RPA3: variants seen among roughly 807,000 people sequenced by gnomAD.
RPA3 encodes the protein replication protein A3.
A neutral mutation model predicts 13.7 loss-of-function variants in RPA3; 24 were observed. The ratio of observed to expected loss-of-function variants is 1.75; its 90% CI spans 1.27 to 2.46. RPA3 has a LOEUF of 2.46. RPA3 is among the 30% of genes most tolerant of loss of function. The pLI, the probability that RPA3 is intolerant of heterozygous loss-of-function variation, is 0.00. For synonymous variants in RPA3, 59 were observed against 51.2 expected, an observed-to-expected ratio of 1.15 and a Z score of -0.65; for missense variants, 183 against 151.0, an observed-to-expected ratio of 1.21 and a Z score of -1.11.
chr7:7,668,336 C>G (rs1779522012), intron 4 of RPA3, among the ~76,000 whole-genome samples: 1 of 152,024 alleles, frequency 6.6e-6, no homozygotes, highest in Admixed American at 6.6e-5. Flanking sequence ...GATTTTTTTA[C>G]TGTTTCAGTT....
chr7:7,652,253 G>A (rs986116636), intron 4 of RPA3, among the ~76,000 whole-genome samples: 2 of 152,126 alleles, frequency 1.3e-5, no homozygotes, highest in African/African-American at 2.4e-5. Context: ...TAGGATTTCC[G>A]AGTAAAGCAG....
intron 2 of RPA3, among the ~76,000 whole-genome samples, chr7:7,713,312 C>T (rs1295249346): frequency 6.6e-6 from 1 of 151,992 alleles, no homozygotes; most frequent in Non-Finnish European, 1.5e-5. Context: ...CCACTGCACT[C>T]CAGCCTGGGT....
intron 3 of RPA3, 57 bp downstream of exon 3, chr7:7,687,159 ATAATAGTATTTG>A (rs1173161878): frequency 2.0e-5 from 3 of 152,214 alleles, no homozygotes; most frequent in African/African-American, 7.2e-5. Context: ...TGAACTGGAA[ATAATAGTATTTG>A]GATTCTATTT....
At chr7:7,700,506 C>T (rs562547360) in intron 2 of RPA3, among the ~76,000 whole-genome samples, 1 of 152,198 alleles carries the variant, frequency 6.6e-6, no homozygotes, top group African/African-American at 2.4e-5. Context: ...GGGAAGATCG[C>T]TTGAGGCCAT....
intron 2 of RPA3, among the ~76,000 whole-genome samples, chr7:7,690,438 T>G (rs1780146842): frequency 6.6e-6 from 1 of 152,190 alleles, no homozygotes; most frequent in African/African-American, 2.4e-5. Flanking sequence ...GCCCAGTATG[T>G]CAGATGTGAA....
chr7:7,691,459 CAGT>C (rs1261092642), intron 2 of RPA3, among the ~76,000 whole-genome samples: 1 of 152,120 alleles, frequency 6.6e-6, no homozygotes, highest in Non-Finnish European at 1.5e-5. Flanking sequence ...TTTAAAATAT[CAGT>C]ATTTACTACT....
chr7:7,673,366 GCA>G lies in RPA3; in HGVS notation c.-758+12462_-758+12463del, dbSNP rs1491450634. The G allele has an allele frequency of 6.7e-5, 72 of 1,080,588 alleles. No homozygotes were observed. The African/African-American group carries it at 1.1e-3, about 17-fold the overall frequency. The allele number at this position is 1,080,588 out of a possible 1,614,324, so 66.9% of individuals were successfully genotyped here. Reference sequence around the variant, plus strand: ...AGCAGCAGCAGCAGCAGCAGCAGCAGCAGCAATGTTTCACTTCTTCAGAAAGC... The same window carrying G: ...AGCAGCAGCAGCAGCAGCAGCAGCAGGCAATGTTTCACTTCTTCAGAAAGC... On this transcript the variant is annotated intron_variant, in intron 4 of 7. Transcript: ENST00000223129.
intron 4 of RPA3, among the ~76,000 whole-genome samples, chr7:7,661,452 AC>A (rs1785472105): frequency 1.3e-5 from 2 of 152,106 alleles, no homozygotes; most frequent in South Asian, 4.1e-4. Context: ...GGATTCATCT[AC>A]CTTTGGCCTT....
intron 4 of RPA3, among the ~76,000 whole-genome samples, chr7:7,655,920 C>T (rs904654583): frequency 8.5e-5 from 13 of 152,294 alleles, no homozygotes; most frequent in African/African-American, 3.1e-4. Context: ...ACTGCAACCT[C>T]CACCTCCTGG....
chr7:7,645,619 C>A (rs559291379), intron 4 of RPA3, among the ~76,000 whole-genome samples: 1 of 152,176 alleles, frequency 6.6e-6, no homozygotes, highest in African/African-American at 2.4e-5. Flanking sequence ...AATTTTCCTT[C>A]TATTCCTAGT....
chr7:7,652,503 T>C (rs28916273), intron 4 of RPA3, among the ~76,000 whole-genome samples: 1 of 152,242 alleles, frequency 6.6e-6, no homozygotes, highest in African/African-American at 2.4e-5. Flanking sequence ...AGAATGTGAG[T>C]AACATTTTGC....
At chr7:7,688,578 G>A (rs192222304) in intron 2 of RPA3, among the ~76,000 whole-genome samples, 1 of 152,210 alleles carries the variant, frequency 6.6e-6, no homozygotes, top group South Asian at 2.1e-4. Context: ...CTGTCTCGAG[G>A]CTTCCTCAGT....
intron 5 of RPA3, among the ~76,000 whole-genome samples, chr7:7,639,373 T>C (rs1456957369): frequency 6.6e-6 from 1 of 152,228 alleles, no homozygotes; most frequent in Non-Finnish European, 1.5e-5. Context: ...TTTTGTAGTG[T>C]TAAGTAGGTT....
At chr7:7,699,049 TGGG>T (rs63713363) in intron 2 of RPA3, among the ~76,000 whole-genome samples, 6 of 143,704 alleles carry the variant, frequency 4.2e-5, no homozygotes, top group Non-Finnish European at 6.1e-5. Flanking sequence ...TGTGTGTGTG[TGGG>T]GGGGGGGTAG....
At chr7:7,698,734 C>T (rs1780376907) in intron 2 of RPA3, among the ~76,000 whole-genome samples, 1 of 152,024 alleles carries the variant, frequency 6.6e-6, no homozygotes, top group Admixed American at 6.6e-5. Context: ...TGCTCCACTT[C>T]TTTAATGACT....
chr7:7,679,711 A>AAT lies in RPA3; in HGVS notation c.-758+6117_-758+6118dup, dbSNP rs372324513. On this transcript the variant is annotated intron_variant, in intron 4 of 7. Transcript: ENST00000223129. The stretch of plus-strand genomic sequence containing the variant: ...TATTTATATATTTAATTTATAGATA[A>AAT]ATATATATATATATATATATACACA... 2.5e-3 allele frequency among the ~76,000 whole-genome samples: 327 copies of AAT among 128,432 alleles called. 6 individuals are homozygous for AAT. The highest frequency in any genetic ancestry group is 4.8e-3 in the South Asian group (21 of 4,340). The allele number at this position is 128,432 out of a possible 152,430, so 84.3% of individuals were successfully genotyped here. A position where few individuals can be genotyped will look rare whatever the true frequency, so the allele number is the denominator to read the frequency against.
At chr7:7,645,474 A>T (rs1453807181) in intron 4 of RPA3, among the ~76,000 whole-genome samples, 2 of 152,196 alleles carry the variant, frequency 1.3e-5, no homozygotes, top group Non-Finnish European at 2.9e-5. Context: ...CTCATAGGCC[A>T]GGTAAGTGAT....
At chr7:7,710,526 C>T (rs1023158138) in intron 2 of RPA3, among the ~76,000 whole-genome samples, 1 of 152,080 alleles carries the variant, frequency 6.6e-6, no homozygotes, top group African/African-American at 2.4e-5. Flanking sequence ...AAACCTGTAT[C>T]AGAATAGCTA....
At chr7:7,646,456 A>G (rs192413654) in intron 4 of RPA3, among the ~76,000 whole-genome samples, 126 of 142,254 alleles carry the variant, frequency 8.9e-4, no homozygotes, top group Non-Finnish European at 1.5e-3. Flanking sequence ...TGATGGCTTT[A>G]TAAGGGGAAA....
Sources: gnomAD v4.1 joint callset for allele counts (sites outside exome capture counted in the v4.1 genomes callset) on GRCh38, gnomAD v4.1.1 for gene constraint, MANE v1.5 for transcripts, NCBI Gene and HGNC (gene_info 2026-07-23, HGNC 2026-07-21) for gene names.